JAZF1: variants seen among roughly 807,000 people sequenced by gnomAD.
JAZF1 encodes JAZF zinc finger 1.
In JAZF1, 8 loss-of-function variants were observed where a neutral mutation model predicts 26.4. The observed-to-expected ratio is 0.30, with a 90% CI of 0.18 to 0.55. The LOEUF is 0.55. Among genes scored for constraint, JAZF1 ranks in the 20% least tolerant of loss-of-function variants. JAZF1 has a pLI of 0.94. For missense variants in JAZF1, 199 were observed against 322.0 expected (o/e 0.62, Z 2.92); for synonymous variants, 126 against 122.3 (o/e 1.03, Z -0.20).
chr7:27,894,802 T>C (rs1784031118), intron 3 of JAZF1, among the ~76,000 whole-genome samples: 1 of 152,216 alleles, frequency 6.6e-6, no homozygotes, highest in Admixed American at 6.5e-5. Context: ...AGAAAAATTA[T>C]ATCTAAATTT....
At chr7:28,072,080 A>C (rs1467954472) in intron 1 of JAZF1, among the ~76,000 whole-genome samples, 2 of 152,246 alleles carry the variant, frequency 1.3e-5, no homozygotes, top group Non-Finnish European at 2.9e-5. Context: ...ACTTCTGAGA[A>C]GACGAATAAA....
intron 1 of JAZF1, among the ~76,000 whole-genome samples, chr7:28,046,567 G>T (rs917354536): frequency 6.6e-6 from 1 of 152,150 alleles, no homozygotes; most frequent in Admixed American, 6.5e-5. Context: ...GTTTGGATAG[G>T]TGTTACCCTC....
chr7:28,069,236 T>C (rs1350195182), intron 1 of JAZF1, among the ~76,000 whole-genome samples: 1 of 152,236 alleles, frequency 6.6e-6, no homozygotes, highest in Non-Finnish European at 1.5e-5. Flanking sequence ...TCTCACGGCC[T>C]CATCTCTCCA....
chr7:28,023,651 C>T (rs1783043165), intron 1 of JAZF1, among the ~76,000 whole-genome samples: 1 of 152,196 alleles, frequency 6.6e-6, no homozygotes, highest in African/African-American at 2.4e-5. Flanking sequence ...TCAGGAAATA[C>T]TGTTAAGTAT....
intron 1 of JAZF1, among the ~76,000 whole-genome samples, chr7:28,042,613 A>G (rs960524676): frequency 2.0e-5 from 3 of 152,244 alleles, no homozygotes; most frequent in Non-Finnish European, 4.4e-5. Flanking sequence ...CCTATGCACT[A>G]TAACATATAG....
At chr7:27,984,066 C>T (rs1003682106) in intron 2 of JAZF1, among the ~76,000 whole-genome samples, 2 of 152,198 alleles carry the variant, frequency 1.3e-5, no homozygotes, top group Non-Finnish European at 2.9e-5. Flanking sequence ...AACCAGCTAA[C>T]ATCATAACGA....
chr7:28,114,187 C>T (rs1784704552), intron 1 of JAZF1, among the ~76,000 whole-genome samples: 1 of 152,180 alleles, frequency 6.6e-6, no homozygotes, highest in Admixed American at 6.5e-5. Flanking sequence ...CTTCATTATT[C>T]CAGCTCACTG....
intron 1 of JAZF1, among the ~76,000 whole-genome samples, chr7:28,078,990 A>T (rs973329680): frequency 7.1e-6 from 1 of 140,888 alleles, no homozygotes; most frequent in Non-Finnish European, 1.6e-5. Flanking sequence ...AATGCCCATA[A>T]TTTTTTTTTT....
chr7:27,902,482 C>T (rs1316993317), intron 2 of JAZF1, among the ~76,000 whole-genome samples: 1 of 152,144 alleles, frequency 6.6e-6, no homozygotes, highest in Non-Finnish European at 1.5e-5. Context: ...AGAGGGTGGG[C>T]TTTGGAGGTA....
At chr7:28,079,230 T>C (rs1291968550) in intron 1 of JAZF1, among the ~76,000 whole-genome samples, 8 of 152,106 alleles carry the variant, frequency 5.3e-5, no homozygotes, top group Non-Finnish European at 1.0e-4. Flanking sequence ...TGACCTCAGG[T>C]GATCCGCCTG....
chr7:27,985,862 ATC>A (rs1017346095), intron 2 of JAZF1, among the ~76,000 whole-genome samples: 72 of 152,362 alleles, frequency 4.7e-4, no homozygotes, highest in African/African-American at 1.7e-3. Flanking sequence ...CCACATGATT[ATC>A]TCAATAGAAG....
At chr7:27,878,343 A>G (rs1783716238) in intron 3 of JAZF1, among the ~76,000 whole-genome samples, 1 of 151,284 alleles carries the variant, frequency 6.6e-6, no homozygotes, top group African/African-American at 2.4e-5. Context: ...ATTGAAAAAT[A>G]TATTTTACAT....
intron 3 of JAZF1, among the ~76,000 whole-genome samples, chr7:27,882,884 G>C (rs1328597866): frequency 6.6e-6 from 1 of 152,104 alleles, no homozygotes; most frequent in East Asian, 1.9e-4. Context: ...AGTTTGTCTG[G>C]GCTGTGAATT....
chr7:28,015,026 A>AGTGTGTAT (rs930630189), intron 1 of JAZF1, among the ~76,000 whole-genome samples: 4 of 116,422 alleles, frequency 3.4e-5, no homozygotes, highest in Non-Finnish European at 7.4e-5. Context: ...AAAAGCAGAA[A>AGTGTGTAT]GTGTGTATGT....
intron 1 of JAZF1, among the ~76,000 whole-genome samples, chr7:28,091,277 A>C (rs1784292594): frequency 6.6e-6 from 1 of 151,990 alleles, no homozygotes; most frequent in Admixed American, 6.6e-5. Context: ...ATTATGTCTC[A>C]ACTAGAAGTC....
At chr7:27,963,569 C>CCCCCCT (rs1554278421) in intron 2 of JAZF1, among the ~76,000 whole-genome samples, 2 of 132,512 alleles carry the variant, frequency 1.5e-5, no homozygotes, top group African/African-American at 2.9e-5. Flanking sequence ...CCCCCCCCCC[C>CCCCCCT]TTTTTTTTTG....
At chr7:28,166,167 G>T (rs899963173) in intron 1 of JAZF1, among the ~76,000 whole-genome samples, 3 of 152,134 alleles carry the variant, frequency 2.0e-5, no homozygotes, top group African/African-American at 7.2e-5. Context: ...AACTACTGCT[G>T]AGTCAAATAA....
intron 4 of JAZF1, among the ~76,000 whole-genome samples, chr7:27,833,644 C>G (rs531478598): frequency 2.6e-5 from 4 of 152,282 alleles, no homozygotes; most frequent in Non-Finnish European, 5.9e-5. Flanking sequence ...TATTACATTC[C>G]AAACATACAA....
At chr7:28,005,334 G>A (rs1303007951) in intron 1 of JAZF1, among the ~76,000 whole-genome samples, 1 of 151,696 alleles carries the variant, frequency 6.6e-6, no homozygotes, top group Non-Finnish European at 1.5e-5. Flanking sequence ...TTTGTATTTC[G>A]GAAGCCAGTT....
Sources: allele counts gnomAD v4.1 joint callset (sites outside exome capture counted in the v4.1 genomes callset), GRCh38; gene constraint gnomAD v4.1.1; transcripts MANE v1.5; gene names NCBI Gene and HGNC (gene_info 2026-07-23, HGNC 2026-07-21).